The following KCNK13 variants were observed in gnomAD, a reference collection of about 807,000 sequenced individuals.
KCNK13 encodes the protein potassium channel subfamily K member 13.
A neutral mutation model predicts 23.4 loss-of-function variants in KCNK13; 12 were observed. That is an observed-to-expected ratio of 0.51 (90% CI 0.33 to 0.83). KCNK13 has a LOEUF of 0.83. Among genes scored for constraint, KCNK13 ranks in the 40% least tolerant of loss-of-function variants. The probability of loss-of-function intolerance (pLI) is 0.02; values close to 1 mark genes in which losing one functional copy is unlikely to be tolerated. For synonymous variants in KCNK13, 231 were observed against 229.5 expected, an observed-to-expected ratio of 1.01 and a Z score of -0.06; for missense variants, 463 against 556.3, an observed-to-expected ratio of 0.83 and a Z score of 1.69.
intron 1 of KCNK13, among the ~76,000 whole-genome samples, chr14:90,087,807 T>C (rs1424907804): frequency 6.6e-6 from 1 of 152,098 alleles, no homozygotes; most frequent in East Asian, 1.9e-4. Context: ...GGGGACTTTG[T>C]TCAGAGTTCC....
intron 1 of KCNK13, among the ~76,000 whole-genome samples, chr14:90,181,896 A>G (rs188993973): frequency 1.0e-3 from 159 of 152,222 alleles, no homozygotes; most frequent in African/African-American, 3.7e-3. Flanking sequence ...TGCTGCATTC[A>G]GTTCCCTGTG....
chr14:90,154,187 G>T (rs1480863480), intron 1 of KCNK13, among the ~76,000 whole-genome samples: 1 of 152,096 alleles, frequency 6.6e-6, no homozygotes, highest in African/African-American at 2.4e-5. Flanking sequence ...CTGAATGTGG[G>T]CTTTCCTACA....
chr14:90,127,453 C>CT (rs11404565), intron 1 of KCNK13, among the ~76,000 whole-genome samples: 88,950 of 132,898 alleles, frequency 0.67, 30,062 homozygotes, highest in Admixed American at 0.76. Context: ...GCTCACCATA[C>CT]TTTTTTTTTT....
chr14:90,130,768 C>T (rs1248148979), intron 1 of KCNK13, among the ~76,000 whole-genome samples: 1 of 152,044 alleles, frequency 6.6e-6, no homozygotes, highest in African/African-American at 2.4e-5. Flanking sequence ...GAGCCGAGAT[C>T]GCACCACTGC....
intron 1 of KCNK13, among the ~76,000 whole-genome samples, chr14:90,096,555 C>T (rs1395824109): frequency 6.6e-6 from 1 of 152,074 alleles, no homozygotes; most frequent in East Asian, 1.9e-4. Flanking sequence ...GTATATATGA[C>T]CGTGTTTTCT....
intron 1 of KCNK13, among the ~76,000 whole-genome samples, chr14:90,165,878 A>G (rs1291031564): frequency 6.6e-6 from 1 of 152,204 alleles, no homozygotes; most frequent in African/African-American, 2.4e-5. Context: ...TGCCCCCAAG[A>G]TGCAGTGACT....
In KCNK13 at chr14:90,087,154, A is replaced by ATATTT. The variant is rs1282261147; in HGVS notation, c.334+24616_334+24617insATTTT. 7.4e-5 allele frequency among the ~76,000 whole-genome samples: 8 copies of ATATTT among 107,618 alleles called. No homozygotes were observed. In the East Asian group the frequency reaches 1.3e-3, roughly 18 times the overall value. 70.6% of individuals were successfully genotyped at this position (107,618 alleles called of 152,430 possible). A position where few individuals can be genotyped will look rare whatever the true frequency, so the allele number is the denominator to read the frequency against. On this transcript the variant is annotated intron_variant, in intron 1 of 1. Coordinates refer to ENST00000282146, the MANE Select transcript of KCNK13 (RefSeq NM_022054.4). ...CATATATATATATATATATATATAT[A>ATATTT]TTTTTTTTTTTTATTGAGATGGGGC...
intron 1 of KCNK13, among the ~76,000 whole-genome samples, chr14:90,133,472 G>C (rs1003943355): frequency 6.6e-5 from 10 of 151,780 alleles, no homozygotes; most frequent in African/African-American, 2.4e-4. Context: ...AGAGATGGTT[G>C]CACAACTCTG....
At chr14:90,105,200 C>A (rs1196555178) in intron 1 of KCNK13, among the ~76,000 whole-genome samples, 1 of 152,146 alleles carries the variant, frequency 6.6e-6, no homozygotes, top group Non-Finnish European at 1.5e-5. Flanking sequence ...GTCTCTCATT[C>A]ACGCTGGTCT....
intron 1 of KCNK13, among the ~76,000 whole-genome samples, chr14:90,144,173 C>T (rs879719020): frequency 5.3e-5 from 8 of 151,990 alleles, no homozygotes; most frequent in South Asian, 2.1e-4. Flanking sequence ...TATTGTCTTC[C>T]GAGCCATAAA....
intron 1 of KCNK13, among the ~76,000 whole-genome samples, chr14:90,135,723 G>A (rs1338826697): frequency 2.0e-5 from 3 of 152,116 alleles, no homozygotes; most frequent in Non-Finnish European, 4.4e-5. Context: ...CCATGCTGGT[G>A]CCCTCTTCAA....
At chr14:90,148,321 C>T (rs1222410873) in intron 1 of KCNK13, among the ~76,000 whole-genome samples, 2 of 152,192 alleles carry the variant, frequency 1.3e-5, no homozygotes, top group Non-Finnish European at 2.9e-5. Flanking sequence ...AGTCAGAAGT[C>T]CTTTCTAGGG....
chr14:90,129,914 CA>C (rs1468433102), intron 1 of KCNK13, among the ~76,000 whole-genome samples: 3 of 152,010 alleles, frequency 2.0e-5, no homozygotes, highest in Admixed American at 2.0e-4. Context: ...TTGTCTTTAG[CA>C]GAGTCAGGGA....
chr14:90,119,446 G>C (rs1046980860), intron 1 of KCNK13, among the ~76,000 whole-genome samples: 11 of 152,048 alleles, frequency 7.2e-5, no homozygotes, highest in Admixed American at 4.6e-4. Context: ...AATCCACCAC[G>C]ATCAAGTAGG....
chr14:90,109,021 A>G (rs1162955515), intron 1 of KCNK13, among the ~76,000 whole-genome samples: 1 of 152,090 alleles, frequency 6.6e-6, no homozygotes, highest in African/African-American at 2.4e-5. Context: ...CTAAAAATAC[A>G]AAAATATTAG....
chr14:90,144,189 C>T (rs1890046258), intron 1 of KCNK13, among the ~76,000 whole-genome samples: 1 of 152,176 alleles, frequency 6.6e-6, no homozygotes, highest in South Asian at 2.1e-4. Context: ...ATAAACATGG[C>T]ATATCTCTCT....
intron 1 of KCNK13, among the ~76,000 whole-genome samples, chr14:90,161,713 G>T (rs1441381280): frequency 1.3e-5 from 2 of 152,204 alleles, no homozygotes; most frequent in Non-Finnish European, 2.9e-5. Context: ...ATCTCTAAAT[G>T]TAAGGCAACC....
chr14:90,108,990 C>A (rs1889580142), intron 1 of KCNK13, among the ~76,000 whole-genome samples: 1 of 152,092 alleles, frequency 6.6e-6, no homozygotes, highest in African/African-American at 2.4e-5. Flanking sequence ...TCCTGGCTAA[C>A]ACGGTGAAAC....
rs2140451313 is a variant in KCNK13 at position 90,184,660 on chromosome 14, A to G, written c.884A>G (p.Asp295Gly). ...TTGAACTGGATCCTGAGGAAAATGG[A>G]CAGCGGGTGCTGCCCGCAATGCCAG... Reference protein sequence around the residue: ...QSLNWILRKMDSGCCPQCQRG... With the variant: ...QSLNWILRKMGSGCCPQCQRG... Residue 295 changes from aspartate (D) to glycine (G), a missense_variant, in exon 2 of 2, where the codon GAC becomes GGC. Asp to Gly is a moderately conservative substitution (Grantham distance 94). This residue lies in a region of KCNK13 where 166 missense variants were observed against 178.8 expected (regional missense o/e 0.93). Coordinates refer to ENST00000282146, the MANE Select transcript of KCNK13 (RefSeq NM_022054.4). The surrounding 1 kb of genome is among the most constrained non-coding windows in gnomAD (Gnocchi z 5.6). 6.2e-7 allele frequency: 1 copy of G among 1,614,236 alleles called. No individual in the cohort carries two copies. The highest frequency in any genetic ancestry group is 2.2e-5 in the East Asian group (1 of 44,884).
Sources: gnomAD v4.1 joint callset for allele counts (sites outside exome capture counted in the v4.1 genomes callset) on GRCh38, gnomAD v4.1.1 for gene constraint, gnomAD v4.1.1 regional missense constraint, Gnocchi (gnomAD v3.1) non-coding constraint, MANE v1.5 for transcripts, NCBI Gene and HGNC (gene_info 2026-07-23, HGNC 2026-07-21) for gene names.